CCAR1: variants seen among roughly 807,000 people sequenced by gnomAD.
The protein encoded by CCAR1 is cell division cycle and apoptosis regulator protein 1.
In CCAR1, 78 loss-of-function variants were observed where a neutral mutation model predicts 163.8. That is an observed-to-expected ratio of 0.48 (90% CI 0.40 to 0.57). The LOEUF is 0.57. CCAR1 is among the 20% of genes least tolerant of loss of function. CCAR1 has a pLI of 0.00. For synonymous variants in CCAR1, 443 were observed against 460.7 expected, an observed-to-expected ratio of 0.96 and a Z score of 0.49; for missense variants, 1,019 against 1,365.2, an observed-to-expected ratio of 0.75 and a Z score of 4.00.
At chr10:68,781,206 G>A (rs540275583) in intron 19 of CCAR1, among the ~76,000 whole-genome samples, 15 of 151,388 alleles carry the variant, frequency 9.9e-5, no homozygotes, top group Non-Finnish European at 1.8e-4. Context: ...GCACTCCAGC[G>A]TGGGTGACAG....
chr10:68,734,341 C>CG (rs1403648412), intron 2 of CCAR1, among the ~76,000 whole-genome samples: 2 of 151,866 alleles, frequency 1.3e-5, no homozygotes, highest in Non-Finnish European at 2.9e-5. Flanking sequence ...CTGGTTTTTA[C>CG]GGCCTCTTGG....
intron 8 of CCAR1, among the ~76,000 whole-genome samples, chr10:68,748,024 T>C (rs1461990951): frequency 6.6e-6 from 1 of 152,114 alleles, no homozygotes; most frequent in African/African-American, 2.4e-5. Context: ...CGGCAAATTT[T>C]TGTATTTTTA....
chr10:68,740,770 C>A, intron 5 of CCAR1, 109 bp downstream of exon 5: 2 of 818,338 alleles, frequency 2.4e-6, no homozygotes, highest in Non-Finnish European at 3.9e-6. Context: ...TTAGATTCAC[C>A]TAATAATTTA....
At chr10:68,755,856 A>G (rs1342160257) in intron 13 of CCAR1, among the ~76,000 whole-genome samples, 2 of 151,942 alleles carry the variant, frequency 1.3e-5, no homozygotes, top group Admixed American at 1.3e-4. Context: ...TCATTTCATT[A>G]TAATTCTTTT....
At chr10:68,764,175 A>G (rs1162958) in intron 16 of CCAR1, among the ~76,000 whole-genome samples, 100,684 of 152,008 alleles carry the variant, frequency 0.66, 34,034 homozygotes, top group Non-Finnish European at 0.73. Flanking sequence ...ACTCTACCCT[A>G]TGCTATCTCT....
intron 2 of CCAR1, among the ~76,000 whole-genome samples, chr10:68,735,309 A>G (rs913499190): frequency 6.6e-6 from 1 of 151,428 alleles, no homozygotes; most frequent in African/African-American, 2.4e-5. Flanking sequence ...TGATTGCACA[A>G]CTGCACTTCA....
At chr10:68,740,876 G>GGTTTT (rs1290692838) in intron 5 of CCAR1, among the ~76,000 whole-genome samples, 2 of 149,580 alleles carry the variant, frequency 1.3e-5, no homozygotes, top group Admixed American at 6.7e-5. Flanking sequence ...ATAAATATGA[G>GGTTTT]GTTTTATTTT....
chr10:68,723,883 G>A (rs2055899650), intron 2 of CCAR1, among the ~76,000 whole-genome samples: 1 of 151,334 alleles, frequency 6.6e-6, no homozygotes, highest in Admixed American at 6.6e-5. Context: ...TTTAGGCTGG[G>A]CGCGGTGGCT....
Position 68,757,315 on chromosome 10 carries a change from G to T in CCAR1, c.1858G>T (p.Gly620Cys), listed in dbSNP as rs1178211792. The stretch of plus-strand genomic sequence containing the variant: ...TCAGGATGAAGAAGAGAAGGATGAT[G>T]GTGAAGCTAAAGAAATTTCTACACC... ...GEQDEEEKDDGEAKEISTPTH... is the reference protein window; with the variant it reads ...GEQDEEEKDDCEAKEISTPTH... The change falls in exon 15 of 25, where the codon GGT becomes TGT. Residue 620 changes from glycine to cysteine, a missense_variant. By Grantham distance (159) the Gly-to-Cys change is radical. Around this residue, in one of 4 missense-constraint regions of CCAR1, gnomAD observed 644 missense variants for 904.4 expected, o/e 0.71. Transcript: ENST00000265872. 3 of 1,577,010 alleles carry T rather than the reference G, an allele frequency of 1.9e-6. No individual in the cohort carries two copies. The African/African-American group carries it at 4.0e-5, about 21-fold the overall frequency.
At chr10:68,750,298 C>G (rs2056315389) in intron 10 of CCAR1, among the ~76,000 whole-genome samples, 1 of 148,632 alleles carries the variant, frequency 6.7e-6, no homozygotes, top group Admixed American at 6.7e-5. Flanking sequence ...TCACTGCAGC[C>G]TCTGCCTCTG....
chr10:68,781,973 A>C (rs1281016526), intron 19 of CCAR1, among the ~76,000 whole-genome samples: 1 of 152,204 alleles, frequency 6.6e-6, no homozygotes, highest in Non-Finnish European at 1.5e-5. Flanking sequence ...GCCAAAAGCT[A>C]GTTTTTTTGG....
Position 68,771,381 on chromosome 10 carries a change from C to A in CCAR1, c.2474C>A (p.Pro825Gln). The change falls in exon 18 of 25, where the codon CCA (proline) becomes CAA (glutamine). Residue 825 changes from proline (P) to glutamine (Q), a missense_variant. Pro to Gln is a moderately conservative substitution (Grantham distance 76). This residue lies in a region of CCAR1 where 358 missense variants were observed against 406.4 expected (regional missense o/e 0.88). Coordinates refer to ENST00000265872, the MANE Select transcript of CCAR1 (RefSeq NM_018237.4). ...GAAAGAGATGATGAAACTGATGAAC[C>A]AAAACCCAAACGGAGAAAATCAGGC... ...KEERDDETDEPKPKRRKSGDD... is the reference protein window; with the variant it reads ...KEERDDETDEQKPKRRKSGDD... 6.3e-7 allele frequency: 1 copy of A among 1,594,588 alleles called. No individual in the cohort carries two copies. The highest frequency in any genetic ancestry group is 1.1e-5 in the South Asian group (1 of 87,234).
intron 21 of CCAR1, chr10:68,787,714 A>G (rs1331089295): frequency 2.5e-6 from 1 of 395,892 alleles, no homozygotes; most frequent in Non-Finnish European, 4.5e-6. Context: ...GGGTGCCTGT[A>G]ATACCAGCTA....
At chr10:68,723,025 T>A (rs1022901749) in intron 2 of CCAR1, among the ~76,000 whole-genome samples, 1 of 152,158 alleles carries the variant, frequency 6.6e-6, no homozygotes, top group Admixed American at 6.6e-5. Context: ...GAAGCTCCTT[T>A]AAAAATCCAT....
intron 15 of CCAR1, among the ~76,000 whole-genome samples, chr10:68,759,822 A>C (rs1213112776): frequency 6.6e-6 from 1 of 152,122 alleles, no homozygotes; most frequent in Non-Finnish European, 1.5e-5. Flanking sequence ...ATTTTATACT[A>C]TTCAATTAAA....
chr10:68,744,991 T>A (rs1002301434), intron 6 of CCAR1, among the ~76,000 whole-genome samples: 5 of 141,996 alleles, frequency 3.5e-5, no homozygotes, highest in East Asian at 2.1e-4. Flanking sequence ...TCTGGCTATT[T>A]AATTAAATTA....
At chr10:68,761,709 TCTC>T (rs1187882048) in intron 16 of CCAR1, among the ~76,000 whole-genome samples, 2 of 151,786 alleles carry the variant, frequency 1.3e-5, no homozygotes, top group Non-Finnish European at 2.9e-5. Context: ...TTCAAGCAAT[TCTC>T]CTGCCTTGGC....
chr10:68,761,603 C>G lies in CCAR1; in HGVS notation c.2106+411C>G, dbSNP rs147777325. Among the ~76,000 whole-genome samples, 869 of 151,942 alleles carry G rather than the reference C, an allele frequency of 5.7e-3. 12 individuals are homozygous for G. Among genetic ancestry groups the G allele is most frequent in the African/African-American group, 0.02 (827 of 41,414 alleles). On this transcript the variant is annotated intron_variant, in intron 16 of 24. Coordinates refer to ENST00000265872, the MANE Select transcript of CCAR1 (RefSeq NM_018237.4). ...TACAGGCGTGAGCCACCGTGCCCAG[C>G]TATTTATTTATTTTTTGAGATGGAG...
At chr10:68,787,304 T>C (rs2079394007) in intron 21 of CCAR1, among the ~76,000 whole-genome samples, 2 of 151,924 alleles carry the variant, frequency 1.3e-5, no homozygotes. Flanking sequence ...ACATTCACCA[T>C]GAAAATAGAG....
Sources: gnomAD v4.1 joint callset for allele counts (sites outside exome capture counted in the v4.1 genomes callset) on GRCh38, gnomAD v4.1.1 for gene constraint, gnomAD v4.1.1 regional missense constraint, MANE v1.5 for transcripts, NCBI Gene and HGNC (gene_info 2026-07-23, HGNC 2026-07-21) for gene names.